Variants in KCNH1 observed in about 807,000 individuals in gnomAD.
KCNH1 encodes the protein potassium voltage-gated channel subfamily H member 1.
A neutral mutation model predicts 69.2 loss-of-function variants in KCNH1; 27 were observed. That is an observed-to-expected ratio of 0.39 (90% CI 0.29 to 0.54). The LOEUF (loss-of-function observed/expected upper bound fraction) is 0.54. Ranked by LOEUF, KCNH1 falls within the 20% of genes least tolerant of loss-of-function variation. The probability of loss-of-function intolerance (pLI) is 0.68; values close to 1 mark genes in which losing one functional copy is unlikely to be tolerated. For missense variants in KCNH1, 798 were observed against 1,261.6 expected (o/e 0.63, Z 5.57); for synonymous variants, 456 against 487.7 (o/e 0.93, Z 0.86).
chr1:210,940,873 A>G (rs977653955), intron 6 of KCNH1, among the ~76,000 whole-genome samples: 1 of 152,230 alleles, frequency 6.6e-6, no homozygotes, highest in African/African-American at 2.4e-5. Flanking sequence ...GAAGGAAGCA[A>G]TACAATCCTG....
chr1:211,051,635 G>A (rs547651052), intron 5 of KCNH1, among the ~76,000 whole-genome samples: 1 of 152,308 alleles, frequency 6.6e-6, no homozygotes, highest in African/African-American at 2.4e-5. Context: ...GGTCAAAGGG[G>A]AGTGCAGCTA....
intron 6 of KCNH1, among the ~76,000 whole-genome samples, chr1:210,997,186 A>G (rs1178213494): frequency 1.3e-5 from 2 of 152,240 alleles, no homozygotes; most frequent in African/African-American, 2.4e-5. Context: ...AGCTGACAGA[A>G]GAAGGCTTCA....
At chr1:210,968,793 A>G (rs1325187132) in intron 6 of KCNH1, among the ~76,000 whole-genome samples, 2 of 152,090 alleles carry the variant, frequency 1.3e-5, no homozygotes, top group African/African-American at 4.8e-5. Context: ...AGTAGGTTGC[A>G]AAAATTTTCT....
chr1:210,894,065 T>A (rs2102526432), intron 7 of KCNH1, among the ~76,000 whole-genome samples: 2 of 152,340 alleles, frequency 1.3e-5, no homozygotes, highest in Middle Eastern at 6.8e-3. Context: ...CAGTTTTGGC[T>A]GACTGATTTT....
At chr1:211,030,930 G>C (rs1021139507) in intron 5 of KCNH1, among the ~76,000 whole-genome samples, 22 of 151,818 alleles carry the variant, frequency 1.4e-4, no homozygotes, top group African/African-American at 5.3e-4. Flanking sequence ...TGAGTAAAAG[G>C]TATAAACAGA....
At chr1:210,712,081 A>G (rs1284690670) in intron 10 of KCNH1, among the ~76,000 whole-genome samples, 2 of 152,194 alleles carry the variant, frequency 1.3e-5, no homozygotes, top group African/African-American at 4.8e-5. Flanking sequence ...TCTGAGTACA[A>G]CGCTCAGCCA....
chr1:210,741,634 G>T (rs1683034084), intron 10 of KCNH1, among the ~76,000 whole-genome samples: 1 of 152,172 alleles, frequency 6.6e-6, no homozygotes, highest in South Asian at 2.1e-4. Flanking sequence ...GAGGATAGAG[G>T]CACAGGAGGT....
intron 5 of KCNH1, among the ~76,000 whole-genome samples, chr1:211,058,504 T>G (rs550934949): frequency 6.6e-6 from 1 of 152,230 alleles, no homozygotes; most frequent in East Asian, 1.9e-4. Context: ...TTTTCTTGAT[T>G]GTTTATGCAA....
At chr1:210,809,197 G>C (rs2102413241) in intron 7 of KCNH1, among the ~76,000 whole-genome samples, 1 of 152,194 alleles carries the variant, frequency 6.6e-6, no homozygotes. Context: ...GGAGGGTGTA[G>C]CAAAAACACA....
chr1:210,828,523 C>G (rs187856774), intron 7 of KCNH1, among the ~76,000 whole-genome samples: 1 of 152,108 alleles, frequency 6.6e-6, no homozygotes, highest in Non-Finnish European at 1.5e-5. Flanking sequence ...CCATCCCCAC[C>G]GCAGCAGATT....
intron 7 of KCNH1, among the ~76,000 whole-genome samples, chr1:210,809,652 C>T (rs1558479045): frequency 6.6e-6 from 1 of 152,134 alleles, no homozygotes; most frequent in East Asian, 1.9e-4. Flanking sequence ...TGTGCATCCT[C>T]CATAGACTAG....
intron 6 of KCNH1, among the ~76,000 whole-genome samples, chr1:210,924,366 T>A (rs1297590289): frequency 6.6e-6 from 1 of 152,240 alleles, no homozygotes; most frequent in East Asian, 1.9e-4. Flanking sequence ...ATAAAATTCT[T>A]TCTTGTTATA....
chr1:211,081,295 G>T (rs1023210893), intron 5 of KCNH1, among the ~76,000 whole-genome samples: 6 of 152,098 alleles, frequency 3.9e-5, no homozygotes, highest in African/African-American at 9.7e-5. Flanking sequence ...TTAGAATGGC[G>T]ATCATTAAAA....
intron 6 of KCNH1, among the ~76,000 whole-genome samples, chr1:210,975,340 T>C (rs1688587115): frequency 6.6e-6 from 1 of 152,170 alleles, no homozygotes; most frequent in Non-Finnish European, 1.5e-5. Flanking sequence ...ACTACCTGAC[T>C]TCAAACTATG....
At chr1:211,107,480 T>C (rs1032136230) in intron 1 of KCNH1, 103 bp from the exon 2 acceptor site, 7 of 1,184,876 alleles carry the variant, frequency 5.9e-6, no homozygotes, top group African/African-American at 1.5e-5. Context: ...ATATTTCTGA[T>C]TCCCTCCAAA....
At position 210,701,755 on chromosome 1, in the gene KCNH1, A is replaced by AT. The variant is rs201548232; in HGVS notation, c.2113-17618dup. 7.1e-3 allele frequency among the ~76,000 whole-genome samples: 1,074 copies of AT among 151,542 alleles called. 5 individuals carry two copies. Among genetic ancestry groups the AT allele is most frequent in the Non-Finnish European group, 0.012 (818 of 67,842 alleles). On this transcript the variant is annotated intron_variant, in intron 10 of 10. Transcript: ENST00000271751. ...CCATGTTTCTAAAAACAGTAGTTCC[A>AT]TTTTTTTCCCCCAGAGACATCGTTT...
intron 7 of KCNH1, among the ~76,000 whole-genome samples, chr1:210,869,752 G>T (rs908019737): frequency 1.3e-5 from 2 of 151,904 alleles, no homozygotes; most frequent in Non-Finnish European, 2.9e-5. Context: ...GACTTATTTT[G>T]GAATGCCCTC....
chr1:211,055,879 C>G (rs1245259906), intron 5 of KCNH1, among the ~76,000 whole-genome samples: 1 of 152,200 alleles, frequency 6.6e-6, no homozygotes, highest in Non-Finnish European at 1.5e-5. Context: ...GTGCTGACTA[C>G]AGAAGACTTG....
In KCNH1 at chr1:210,744,269, C is replaced by T. The variant is rs561995492; in HGVS notation, c.2112+31079G>A. On this transcript the variant is annotated intron_variant, in intron 10 of 10. Transcript: ENST00000271751. ...ATGTAAGTCTATTCCTTAACCTCTG[C>T]AGCATTGTAGAATTTGTCCCAAATC... Among the ~76,000 whole-genome samples the T allele has an allele frequency of 6.0e-4, 91 of 152,310 alleles. 1 individual carries two copies. The highest frequency in any genetic ancestry group is 2.0e-3 in the African/African-American group (82 of 41,568).
Sources: gnomAD v4.1 joint callset for allele counts (sites outside exome capture counted in the v4.1 genomes callset) on GRCh38, gnomAD v4.1.1 for gene constraint, MANE v1.5 for transcripts, NCBI Gene and HGNC (gene_info 2026-07-23, HGNC 2026-07-21) for gene names.